Variants in ADCY9 observed in about 807,000 individuals in gnomAD.
ADCY9 encodes the protein adenylate cyclase type 9.
ADCY9 carries 50 observed loss-of-function variants against 101.5 expected under a neutral mutation model. The observed-to-expected ratio is 0.49, with a 90% CI of 0.39 to 0.62. The LOEUF is 0.62. Among genes scored for constraint, ADCY9 ranks in the 20% least tolerant of loss-of-function variants. The pLI, the probability that ADCY9 is intolerant of heterozygous loss-of-function variation, is 0.00. For missense variants in ADCY9, 1,662 were observed against 1,800.4 expected (o/e 0.92, Z 1.39); for synonymous variants, 905 against 769.3 (o/e 1.18, Z -2.92).
intron 2 of ADCY9, among the ~76,000 whole-genome samples, chr16:4,061,859 A>G (rs943766493): frequency 2.0e-5 from 3 of 152,254 alleles, no homozygotes; most frequent in Non-Finnish European, 4.4e-5. Flanking sequence ...AACTGATTTA[A>G]AAGACAAGTA....
At chr16:4,030,454 C>A (rs1398601971) in intron 2 of ADCY9, among the ~76,000 whole-genome samples, 2 of 152,130 alleles carry the variant, frequency 1.3e-5, no homozygotes, top group African/African-American at 4.8e-5. Flanking sequence ...GTAATCCCAG[C>A]ACTTTGGGAG....
chr16:4,034,904 A>C (rs1354430679), intron 2 of ADCY9, among the ~76,000 whole-genome samples: 4 of 152,212 alleles, frequency 2.6e-5, no homozygotes, highest in African/African-American at 9.7e-5. Context: ...CAGGTAGAGA[A>C]GGAGAAGACA....
At chr16:4,076,763 G>A (rs1453482989) in intron 2 of ADCY9, among the ~76,000 whole-genome samples, 9 of 152,260 alleles carry the variant, frequency 5.9e-5, no homozygotes, top group African/African-American at 2.2e-4. Flanking sequence ...TGCCCAGGCT[G>A]CAGTGCATCA....
At chr16:4,046,108 C>T (rs1174195769) in intron 2 of ADCY9, among the ~76,000 whole-genome samples, 1 of 152,104 alleles carries the variant, frequency 6.6e-6, no homozygotes, top group Non-Finnish European at 1.5e-5. Flanking sequence ...GCCTCGGCCT[C>T]CCAAAGTGCT....
intron 9 of ADCY9, among the ~76,000 whole-genome samples, chr16:3,977,265 T>C: frequency 6.6e-6 from 1 of 152,272 alleles, no homozygotes; most frequent in African/African-American, 2.4e-5. Context: ...CCCAGAGTGC[T>C]GTTCTAAATG....
chr16:4,101,631 G>C (rs2057044005), intron 2 of ADCY9, among the ~76,000 whole-genome samples: 1 of 152,152 alleles, frequency 6.6e-6, no homozygotes, highest in African/African-American at 2.4e-5. Context: ...CATGCCCCAA[G>C]AGGGCAGGGG....
intron 2 of ADCY9, among the ~76,000 whole-genome samples, chr16:4,050,746 T>C (rs1312669097): frequency 4.9e-5 from 7 of 142,470 alleles, no homozygotes; most frequent in Non-Finnish European, 1.1e-4. Flanking sequence ...AATTCCTAAC[T>C]ACGCTGCTTG....
chr16:3,957,955 G>T (rs907872055), downstream of ADCY9, among the ~76,000 whole-genome samples: 5 of 152,134 alleles, frequency 3.3e-5, no homozygotes, highest in Non-Finnish European at 7.3e-5. Flanking sequence ...GATTTTGTTT[G>T]ATGAGAAAAT....
intron 2 of ADCY9, among the ~76,000 whole-genome samples, chr16:4,057,120 A>T (rs553791425): frequency 6.8e-6 from 1 of 146,018 alleles, no homozygotes; most frequent in South Asian, 2.2e-4. Context: ...AAAAAGCCTC[A>T]TTTTAAAAAA....
chr16:4,025,893 G>C (rs992632065), intron 2 of ADCY9, among the ~76,000 whole-genome samples: 1 of 152,202 alleles, frequency 6.6e-6, no homozygotes, highest in Non-Finnish European at 1.5e-5. Flanking sequence ...GTGAGATTCA[G>C]GCTGGTGTAG....
At chr16:3,988,927 C>T in intron 6 of ADCY9, 67 bp downstream of exon 6, 2 of 1,252,952 alleles carry the variant, frequency 1.6e-6, no homozygotes, top group Non-Finnish European at 2.3e-6. Flanking sequence ...ACAAAACTAA[C>T]AGTGAATGAC....
At chr16:4,080,172 C>T (rs919417633) in intron 2 of ADCY9, among the ~76,000 whole-genome samples, 4 of 152,052 alleles carry the variant, frequency 2.6e-5, no homozygotes, top group African/African-American at 9.7e-5. Flanking sequence ...AAATGACCAA[C>T]ATCAATTTTA....
chr16:4,016,124 G>A (rs545319628), intron 2 of ADCY9, among the ~76,000 whole-genome samples: 14 of 152,316 alleles, frequency 9.2e-5, no homozygotes, highest in Admixed American at 8.5e-4. Context: ...GTGAATGTGA[G>A]GACAGTCAGT....
intron 2 of ADCY9, among the ~76,000 whole-genome samples, chr16:4,058,467 GAAAA>G (rs112044690): frequency 1.1e-5 from 1 of 94,878 alleles, no homozygotes. Context: ...TTGTCTCCAA[GAAAA>G]AAAAAAAAAA....
In ADCY9 at chr16:4,111,273, GTT is replaced by G. The variant is rs374389606; in HGVS notation, c.1693+2475_1693+2476del. On this transcript the variant is annotated intron_variant, in intron 2 of 10. Coordinates refer to ENST00000294016, the MANE Select transcript of ADCY9 (RefSeq NM_001116.4). ...AAAGGCTAATACACCCAGTATTGGG[GTT>G]TTTTTTGTTTTTGTTGTTGTTGTTT... is the stretch of plus-strand genomic sequence containing the variant. Among the ~76,000 whole-genome samples the G allele has an allele frequency of 5.4e-5, 8 of 147,396 alleles. No individual in the cohort carries two copies. In the East Asian group the frequency reaches 1.6e-3, roughly 29 times the overall value.
Position 3,977,516 on chromosome 16 carries a change from G to A in ADCY9, c.2794C>T (p.Leu932=), listed in dbSNP as rs2230737. ...CACAGGGAGACGTAGAGCAGGAGCAGCGGCCCGGCCCCCACGACGGTGGCG... is the reference window on the plus strand; with the variant it reads ...CACAGGGAGACGTAGAGCAGGAGCAACGGCCCGGCCCCCACGACGGTGGCG... ...SLATVVGAGP[L]LLLYVSLCPD... The change falls in exon 9 of 11, where the codon CTG becomes TTG. Residue 932 remains leucine (L), a synonymous_variant. Transcript: ENST00000294016. 2 of 1,583,130 alleles carry A rather than the reference G, an allele frequency of 1.3e-6. No homozygotes were observed. The highest frequency in any genetic ancestry group is 1.3e-5 in the African/African-American group (1 of 74,472).
chr16:4,073,322 A>ATCAACTCTCGGCCTCAG (rs2056846698), intron 2 of ADCY9, among the ~76,000 whole-genome samples: 1 of 151,698 alleles, frequency 6.6e-6, no homozygotes, highest in African/African-American at 2.4e-5. Context: ...CCTGGCCTCA[A>ATCAACTCTCGGCCTCAG]GTGATCAACT....
At chr16:4,091,432 G>A (rs1302861503) in intron 2 of ADCY9, among the ~76,000 whole-genome samples, 3 of 152,158 alleles carry the variant, frequency 2.0e-5, no homozygotes, top group African/African-American at 4.8e-5. Context: ...GAGTTACCGC[G>A]TGACCCAGCA....
intron 2 of ADCY9, among the ~76,000 whole-genome samples, chr16:4,021,094 T>C (rs2141738911): frequency 6.6e-6 from 1 of 152,344 alleles, no homozygotes; most frequent in East Asian, 1.9e-4. Context: ...TTTTATATAC[T>C]ATAAATTTTA....
Sources: allele counts gnomAD v4.1 joint callset (sites outside exome capture counted in the v4.1 genomes callset), GRCh38; gene constraint gnomAD v4.1.1; transcripts MANE v1.5; gene names NCBI Gene and HGNC (gene_info 2026-07-23, HGNC 2026-07-21).